ATR: variants seen among roughly 807,000 people sequenced by gnomAD.
The protein encoded by ATR is ATR checkpoint kinase.
A neutral mutation model predicts 305.3 loss-of-function variants in ATR; 142 were observed. That is an observed-to-expected ratio of 0.47 (90% CI 0.41 to 0.53). The LOEUF is 0.53. Among genes scored for constraint, ATR ranks in the 20% least tolerant of loss-of-function variants. The pLI is 0.00. For synonymous variants in ATR, 1,050 were observed against 1,068.1 expected, an observed-to-expected ratio of 0.98 and a Z score of 0.33; for missense variants, 2,135 against 3,133.1, an observed-to-expected ratio of 0.68 and a Z score of 7.60.
intron 36 of ATR, among the ~76,000 whole-genome samples, chr3:142,471,564 G>A (rs371131942): frequency 2.7e-4 from 41 of 151,946 alleles, no homozygotes; most frequent in Non-Finnish European, 4.6e-4. Flanking sequence ...GAGCTAGCAG[G>A]TTTTTTTAAA....
intron 9 of ATR, 49 bp downstream of exon 9, chr3:142,556,334 T>C (rs1257139609): frequency 1.9e-6 from 3 of 1,569,458 alleles, no homozygotes; most frequent in Non-Finnish European, 1.8e-6. Flanking sequence ...CAGACAATTA[T>C]GATCTTTCCA....
At position 142,460,371 on chromosome 3, in the gene ATR, G is replaced by C. The variant is rs138662802; in HGVS notation, c.7193-988C>G. Among the ~76,000 whole-genome samples the C allele has an allele frequency of 2.4e-3, 365 of 152,276 alleles. 6 individuals are homozygous for C. The highest frequency in any genetic ancestry group is 4.5e-3 in the Non-Finnish European group (306 of 68,008). On this transcript the variant is annotated intron_variant, in intron 42 of 46. Transcript: ENST00000350721. ...CTTATTCAGTAACAGGATCTTTGCA[G>C]ATGTAATGTTGTTAAGATAAAGTCA...
intron 21 of ATR, among the ~76,000 whole-genome samples, chr3:142,525,584 C>T (rs2033346301): frequency 6.6e-6 from 1 of 152,034 alleles, no homozygotes; most frequent in South Asian, 2.1e-4. Flanking sequence ...GAAATGTGAC[C>T]CCCAGTGTTG....
chr3:142,465,859 A>G, intron 40 of ATR: 1 of 171,424 alleles, frequency 5.8e-6, no homozygotes, highest in Non-Finnish European at 1.2e-5. Context: ...TTAAAAAATT[A>G]GCTGGGCATG....
intron 16 of ATR, among the ~76,000 whole-genome samples, chr3:142,543,694 G>A (rs376370576): frequency 6.2e-5 from 9 of 145,344 alleles, no homozygotes; most frequent in African/African-American, 1.8e-4. Context: ...TTCCTCTCTC[G>A]ACAGGGTCTC....
rs1331219985 is a variant in ATR, at chr3:142,558,772, G to C, written c.1737C>G (p.Asn579Lys). Reference sequence around the variant, plus strand: ...CCAGGATATGATCTTCAAATGAACTGTTTACTACAGAAGCACAAAATAAGT... The same window carrying C: ...CCAGGATATGATCTTCAAATGAACTCTTTACTACAGAAGCACAAAATAAGT... ...IYDALIYMQV[N>K]SSFEDHILED... Residue 579 changes from asparagine (N) to lysine (K), a missense_variant, in exon 8 of 47, where the codon AAC (asparagine) becomes AAG (lysine). Around this residue, in one of 9 missense-constraint regions of ATR, gnomAD observed 744 missense variants for 873.2 expected, o/e 0.85. Coordinates refer to ENST00000350721, the MANE Select transcript of ATR (RefSeq NM_001184.4). 1.9e-6 allele frequency: 3 copies of C among 1,605,888 alleles called. No individual in the cohort carries two copies. In the South Asian group the frequency reaches 3.3e-5, roughly 18 times the overall value.
At chr3:142,499,456 A>G (rs370045559) in intron 31 of ATR, among the ~76,000 whole-genome samples, 171 bp downstream of exon 31, 13 of 152,082 alleles carry the variant, frequency 8.5e-5, no homozygotes, top group African/African-American at 3.1e-4. Flanking sequence ...CACCACGCCC[A>G]GCTAATTTTT....
At position 142,536,199 on chromosome 3, in the gene ATR, T is replaced by C. The variant is rs748735097; in HGVS notation, c.3728A>G (p.Asp1243Gly). 6 of 1,553,294 alleles carry C rather than the reference T, an allele frequency of 3.9e-6. No homozygotes were observed. In the East Asian group the frequency reaches 1.4e-4, roughly 35 times the overall value. The change falls in exon 20 of 47, where the codon GAT becomes GGT. Residue 1243 changes from aspartate (D) to glycine (G), a missense_variant and splice_region_variant. By Grantham distance (94) the Asp-to-Gly change is moderately conservative. This residue lies in a region of ATR where 530 missense variants were observed against 766.8 expected (regional missense o/e 0.69). Coordinates refer to ENST00000350721, the MANE Select transcript of ATR (RefSeq NM_001184.4). Reference sequence around the variant, plus strand: ...TTCATGAAGAAAATCTTGCACAGCATCCCTAATAGTTAGTTGGAATAAAAA... The same window carrying C: ...TTCATGAAGAAAATCTTGCACAGCACCCCTAATAGTTAGTTGGAATAAAAA... Reference protein sequence around the residue: ...IFHYLIIENRDAVQDFLHEIY... With the variant: ...IFHYLIIENRGAVQDFLHEIY...
chr3:142,489,942 T>C (rs771554823), intron 35 of ATR, among the ~76,000 whole-genome samples: 5 of 152,218 alleles, frequency 3.3e-5, no homozygotes, highest in African/African-American at 4.8e-5. Flanking sequence ...TGTTATTTCA[T>C]TGTGGTTTTA....
chr3:142,529,756 C>A (rs2033564535), intron 21 of ATR, among the ~76,000 whole-genome samples: 1 of 152,080 alleles, frequency 6.6e-6, no homozygotes, highest in Non-Finnish European at 1.5e-5. Flanking sequence ...ATTTTCTAGG[C>A]CCACTCTGTA....
At chr3:142,529,014 G>C (rs2033530920) in intron 21 of ATR, among the ~76,000 whole-genome samples, 1 of 149,182 alleles carries the variant, frequency 6.7e-6, no homozygotes, top group Admixed American at 6.7e-5. Flanking sequence ...CTCCTGAGCA[G>C]CTGGGATTAC....
intron 30 of ATR, 58 bp from the exon 31 acceptor site, chr3:142,499,776 A>G: frequency 7.0e-7 from 1 of 1,423,442 alleles, no homozygotes; most frequent in South Asian, 1.1e-5. Flanking sequence ...ACATTCAGAG[A>G]TTTTTCATTG....
At position 142,505,180 on chromosome 3, in the gene ATR, T is replaced by C; in HGVS notation, c.5155A>G (p.Thr1719Ala). ...TGAATAGCCCTGTCATAACAAGCAG[T>C]GGCATCCCTCAGCAAGCCAAGGCTT... ...HESLGLLRDA[T>A]ACYDRAIQLE... Residue 1719 changes from threonine to alanine, a missense_variant, in exon 29 of 47, where the codon ACT becomes GCT. Transcript: ENST00000350721. The C allele has an allele frequency of 6.2e-7, 1 of 1,614,216 alleles. No individual in the cohort carries two copies. The highest frequency in any genetic ancestry group is 2.2e-5 in the East Asian group (1 of 44,882).
At chr3:142,543,340 GT>G (rs1559979437) in intron 16 of ATR, among the ~76,000 whole-genome samples, 1 of 150,156 alleles carries the variant, frequency 6.7e-6, no homozygotes, top group African/African-American at 2.4e-5. Flanking sequence ...TCCTTCCTTA[GT>G]TCCTTCCTTC....
chr3:142,469,644 A>C, intron 37 of ATR, 75 bp from the exon 38 acceptor site: 1 of 1,323,544 alleles, frequency 7.6e-7, no homozygotes, highest in Non-Finnish European at 1.1e-6. Context: ...TCACAGAAGA[A>C]AAATTTTGCT....
Position 142,560,382 on chromosome 3 carries a change from C to G in ATR, c.1422G>C (p.Gln474His), listed in dbSNP as rs1577698886. The change falls in exon 6 of 47, where the codon CAG becomes CAC. Residue 474 changes from glutamine to histidine, a missense_variant. Coordinates refer to ENST00000350721, the MANE Select transcript of ATR (RefSeq NM_001184.4). ...TTAGGCCACTGTATTCAAGGGAAAT[C>G]TGAAGGGATTCAGCTTTCTGTTTCA... ...SALKQKAESL[Q>H]ISLEYSGLKN... 1 of 1,613,884 alleles carries G rather than the reference C, an allele frequency of 6.2e-7. No individual in the cohort carries two copies. Among genetic ancestry groups the G allele is most frequent in the Non-Finnish European group, 8.5e-7 (1 of 1,179,858 alleles).
At position 142,556,010 on chromosome 3, in the gene ATR, T is replaced by G. The variant is rs1012488437; in HGVS notation, c.2208A>C (p.Gly736=). ...AGTTCCTACAGAAGAGGTCCACATG[T>G]CCGTGTTCAGAGAAAGGTTCTGTTA... The part of the protein sequence containing the change: ...SSLTEPFSEH[G]HVDLFCRNLK... Residue 736 remains glycine (G), a synonymous_variant, in exon 10 of 47, where the codon GGA becomes GGC. Transcript: ENST00000350721. 1 of 1,614,082 alleles carries G rather than the reference T, an allele frequency of 6.2e-7. No individual in the cohort carries two copies. Among genetic ancestry groups the G allele is most frequent in the Admixed American group, 1.7e-5 (1 of 60,024 alleles).
chr3:142,497,749 T>C (rs995371806), intron 32 of ATR, among the ~76,000 whole-genome samples: 1 of 152,064 alleles, frequency 6.6e-6, no homozygotes, highest in African/African-American at 2.4e-5. Context: ...AAAGAAAATA[T>C]GGATCCATTA....
rs778905423 is a variant in ATR, at chr3:142,522,852, A to C, written c.4153-11T>G. On this transcript the variant is annotated splice_polypyrimidine_tract_variant and intron_variant, in intron 22 of 46. Transcript: ENST00000350721. Reference sequence around the variant, plus strand: ...ATCTTCTACTCCAGTCTCAATCAGAAAAAAAAAAAAGAAAATTCCAGGATA... The same window carrying C: ...ATCTTCTACTCCAGTCTCAATCAGACAAAAAAAAAAGAAAATTCCAGGATA... 2.0e-6 allele frequency: 3 copies of C among 1,527,464 alleles called. No homozygotes were observed. Among genetic ancestry groups the C allele is most frequent in the Non-Finnish European group, 2.7e-6 (3 of 1,110,854 alleles). 94.6% of individuals were successfully genotyped at this position (1,527,464 alleles called of 1,614,324 possible).
Sources: gnomAD v4.1 joint callset for allele counts (sites outside exome capture counted in the v4.1 genomes callset) on GRCh38, gnomAD v4.1.1 for gene constraint, gnomAD v4.1.1 regional missense constraint, MANE v1.5 for transcripts, NCBI Gene and HGNC (gene_info 2026-07-23, HGNC 2026-07-21) for gene names.